Variants in PPP1R12B observed in about 807,000 individuals in gnomAD.
The protein encoded by PPP1R12B is protein phosphatase 1 regulatory subunit 12B.
Under a neutral mutation model 126.1 loss-of-function variants are expected in PPP1R12B, and 76 were observed. That is an observed-to-expected ratio of 0.60 (90% CI 0.50 to 0.73). The LOEUF (loss-of-function observed/expected upper bound fraction) is 0.73, where lower values mean the gene tolerates loss of function less well. Ranked by LOEUF, PPP1R12B falls within the 30% of genes least tolerant of loss-of-function variation. PPP1R12B has a pLI of 0.00. For missense variants in PPP1R12B, 1,052 were observed against 1,205.1 expected (o/e 0.87, Z 1.88); for synonymous variants, 356 against 434.7 (o/e 0.82, Z 2.25).
intron 23 of PPP1R12B, among the ~76,000 whole-genome samples, chr1:202,573,990 G>A (rs1432783793): frequency 6.6e-6 from 1 of 152,132 alleles, no homozygotes; most frequent in Non-Finnish European, 1.5e-5. Flanking sequence ...TCTTATAGCA[G>A]GTCAGAGACA....
At chr1:202,538,039 A>C (rs958847596) in intron 18 of PPP1R12B, among the ~76,000 whole-genome samples, 29 of 152,356 alleles carry the variant, frequency 1.9e-4, no homozygotes, top group African/African-American at 6.7e-4. Flanking sequence ...CCCAGGCTAG[A>C]GTGCAATGGC....
Position 202,585,767 on chromosome 1 carries a change from C to T in PPP1R12B, c.*5207C>T, listed in dbSNP as rs1689776484. On this transcript the variant is annotated 3_prime_UTR_variant, in exon 24 of 24. Transcript: ENST00000608999. ...TTGCAATGGCTTTCCCTCCTGCTGGCTTGGTAAGAATATTAAAGCCTGCAG... is the reference window on the plus strand; with the variant it reads ...TTGCAATGGCTTTCCCTCCTGCTGGTTTGGTAAGAATATTAAAGCCTGCAG... 6.6e-6 allele frequency: 1 copy of T among 152,140 alleles called. No individual in the cohort carries two copies. The highest frequency in any genetic ancestry group is 1.5e-5 in the Non-Finnish European group (1 of 68,040). The allele number at this position is 152,140 out of a possible 1,614,324, so 9.4% of individuals were successfully genotyped here.
At chr1:202,400,785 G>A (rs921733263) in intron 1 of PPP1R12B, among the ~76,000 whole-genome samples, 4 of 152,156 alleles carry the variant, frequency 2.6e-5, no homozygotes, top group African/African-American at 9.7e-5. Context: ...TTTTATAGAT[G>A]GGGTAACTGA....
At chr1:202,489,631 A>G (rs1236565873) in intron 14 of PPP1R12B, among the ~76,000 whole-genome samples, 2 of 152,202 alleles carry the variant, frequency 1.3e-5, no homozygotes, top group African/African-American at 2.4e-5. Flanking sequence ...ATATGATTCC[A>G]TTTATATGAA....
intron 1 of PPP1R12B, among the ~76,000 whole-genome samples, chr1:202,360,626 T>C (rs1243455783): frequency 2.0e-5 from 3 of 151,798 alleles, no homozygotes; most frequent in Non-Finnish European, 2.9e-5. Context: ...GGAGAATCGC[T>C]TGTACCTGGG....
intron 22 of PPP1R12B, 40 bp from the exon 23 acceptor site, chr1:202,569,107 G>T: frequency 1.2e-6 from 2 of 1,603,286 alleles, no homozygotes; most frequent in South Asian, 2.2e-5. Flanking sequence ...ACTCCCTTCT[G>T]AATTCAATAA....
chr1:202,393,384 G>GA (rs1441803746), intron 1 of PPP1R12B, among the ~76,000 whole-genome samples: 2 of 150,952 alleles, frequency 1.3e-5, no homozygotes, highest in Non-Finnish European at 2.9e-5. Flanking sequence ...AACGCAAATC[G>GA]AAACAGTGTT....
Position 202,490,989 on chromosome 1 carries a change from G to T in PPP1R12B, c.1942-2125G>T, listed in dbSNP as rs559914915. Among the ~76,000 whole-genome samples, 277 of 152,282 alleles carry T rather than the reference G, an allele frequency of 1.8e-3. 2 individuals are homozygous for T. Among genetic ancestry groups the T allele is most frequent in the African/African-American group, 6.5e-3 (269 of 41,548 alleles). ...GGGTACATACTGAGAAATGGAATTT[G>T]CTGGATCATGTGGTAATTCAATTTT... On this transcript the variant is annotated intron_variant, in intron 14 of 23. Coordinates refer to ENST00000608999, the MANE Select transcript of PPP1R12B (RefSeq NM_002481.4).
chr1:202,426,548 TG>T (rs1459550918), intron 4 of PPP1R12B, among the ~76,000 whole-genome samples: 3 of 152,232 alleles, frequency 2.0e-5, no homozygotes, highest in African/African-American at 7.2e-5. Flanking sequence ...GAAGGCTAGT[TG>T]GGAAAATACC....
chr1:202,487,378 A>T (rs1165913057), intron 13 of PPP1R12B, among the ~76,000 whole-genome samples: 2 of 152,236 alleles, frequency 1.3e-5, no homozygotes, highest in Non-Finnish European at 2.9e-5. Context: ...TGCTGAAAGC[A>T]TTCTCTTTGA....
intron 11 of PPP1R12B, among the ~76,000 whole-genome samples, chr1:202,441,890 T>C (rs542646431): frequency 6.6e-6 from 1 of 152,174 alleles, no homozygotes; most frequent in African/African-American, 2.4e-5. Context: ...AAAGTCTCAC[T>C]CTGTCGCCCA....
chr1:202,528,465 T>C (rs1464004101), intron 18 of PPP1R12B, among the ~76,000 whole-genome samples: 1 of 152,238 alleles, frequency 6.6e-6, no homozygotes, highest in African/African-American at 2.4e-5. Flanking sequence ...ATTCTCACAT[T>C]GGTCCTGTTT....
At chr1:202,567,570 C>G in intron 21 of PPP1R12B, 1 of 562,912 alleles carries the variant, frequency 1.8e-6, no homozygotes, top group Non-Finnish European at 3.1e-6. Flanking sequence ...TTCCCCTCCC[C>G]AGAGGGAATC....
At chr1:202,544,966 A>G (rs1434028070) in intron 18 of PPP1R12B, among the ~76,000 whole-genome samples, 1 of 152,206 alleles carries the variant, frequency 6.6e-6, no homozygotes, top group Non-Finnish European at 1.5e-5. Context: ...AGTGTTGACA[A>G]TTATTTTTTG....
chr1:202,367,050 C>T (rs1376725828), intron 1 of PPP1R12B, among the ~76,000 whole-genome samples: 1 of 152,072 alleles, frequency 6.6e-6, no homozygotes, highest in Non-Finnish European at 1.5e-5. Context: ...TTAAATATAA[C>T]TTTACCCATC....
intron 2 of PPP1R12B, among the ~76,000 whole-genome samples, chr1:202,422,276 A>G (rs80058585): frequency 0.01 from 1,551 of 152,314 alleles, 25 homozygotes; most frequent in African/African-American, 0.034. Flanking sequence ...CCACAGCACT[A>G]CTTAATAAGC....
intron 1 of PPP1R12B, among the ~76,000 whole-genome samples, chr1:202,395,094 G>A (rs113518974): frequency 0.012 from 1,380 of 115,822 alleles, 22 homozygotes; most frequent in African/African-American, 0.042. Flanking sequence ...TCCAGCCTGG[G>A]CAACAAAGTG....
chr1:202,371,735 T>A (rs1660302607), intron 1 of PPP1R12B, among the ~76,000 whole-genome samples: 1 of 152,136 alleles, frequency 6.6e-6, no homozygotes, highest in Non-Finnish European at 1.5e-5. Flanking sequence ...GAGAGAGTAT[T>A]TGTATACCCT....
chr1:202,451,783 G>T (rs1672967238), intron 13 of PPP1R12B, among the ~76,000 whole-genome samples: 2 of 151,100 alleles, frequency 1.3e-5, no homozygotes, highest in Admixed American at 1.3e-4. Flanking sequence ...GGACGGGGCG[G>T]CTGGCAGGGT....
Sources: gnomAD v4.1 joint callset for allele counts (sites outside exome capture counted in the v4.1 genomes callset) on GRCh38, gnomAD v4.1.1 for gene constraint, MANE v1.5 for transcripts, NCBI Gene and HGNC (gene_info 2026-07-23, HGNC 2026-07-21) for gene names.